FSIP1: variants seen among roughly 807,000 people sequenced by gnomAD.
The protein encoded by FSIP1 is fibrous sheath-interacting protein 1.
A neutral mutation model predicts 60.9 loss-of-function variants in FSIP1; 65 were observed. The ratio of observed to expected loss-of-function variants is 1.07; its 90% CI spans 0.87 to 1.31. The LOEUF is 1.31. FSIP1 is among the 40% of genes most tolerant of loss of function. The probability of loss-of-function intolerance (pLI) is 0.00; values close to 1 mark genes in which losing one functional copy is unlikely to be tolerated. For synonymous variants in FSIP1, 209 were observed against 221.2 expected (o/e 0.94, Z 0.49); for missense variants, 675 against 665.5 (o/e 1.01, Z -0.16).
At chr15:39,669,806 C>T (rs995091570) in intron 10 of FSIP1, among the ~76,000 whole-genome samples, 1 of 152,160 alleles carries the variant, frequency 6.6e-6, no homozygotes, top group Non-Finnish European at 1.5e-5. Flanking sequence ...TCTATAAGTG[C>T]TTGGCATCAA....
chr15:39,670,710 A>G (rs1215006460), intron 10 of FSIP1, among the ~76,000 whole-genome samples: 1 of 152,226 alleles, frequency 6.6e-6, no homozygotes. Context: ...GGAAAGCCCA[A>G]TAGGGCTGCC....
chr15:39,663,833 C>A (rs1893392798), intron 10 of FSIP1, among the ~76,000 whole-genome samples: 1 of 152,168 alleles, frequency 6.6e-6, no homozygotes, highest in Non-Finnish European at 1.5e-5. Flanking sequence ...ATTCAGTGAT[C>A]CTATGCTCTA....
intron 10 of FSIP1, among the ~76,000 whole-genome samples, chr15:39,671,473 T>G (rs1449962766): frequency 6.6e-6 from 1 of 152,204 alleles, no homozygotes; most frequent in Non-Finnish European, 1.5e-5. Context: ...AATGTTTAAT[T>G]TGGTTATATT....
intron 5 of FSIP1, among the ~76,000 whole-genome samples, chr15:39,742,622 A>G (rs574708257): frequency 6.6e-6 from 1 of 152,292 alleles, no homozygotes; most frequent in Non-Finnish European, 1.5e-5. Flanking sequence ...AAATATGGGA[A>G]GTCTTGAGGA....
At chr15:39,651,912 T>C (rs1242995519) in intron 10 of FSIP1, among the ~76,000 whole-genome samples, 1 of 152,206 alleles carries the variant, frequency 6.6e-6, no homozygotes, top group Non-Finnish European at 1.5e-5. Flanking sequence ...AAAGAAAGCT[T>C]AATGCAATTA....
chr15:39,642,842 T>G (rs1335458931), intron 10 of FSIP1, among the ~76,000 whole-genome samples: 1 of 152,240 alleles, frequency 6.6e-6, no homozygotes, highest in African/African-American at 2.4e-5. Flanking sequence ...GTGTATAAAC[T>G]CACTGGTTAT....
chr15:39,769,711 T>TAAAAAA (rs2140718519), intron 3 of FSIP1, among the ~76,000 whole-genome samples: 2 of 152,344 alleles, frequency 1.3e-5, no homozygotes, highest in East Asian at 3.9e-4. Context: ...TCATAGCCAG[T>TAAAAAA]GACACTGGCT....
intron 10 of FSIP1, among the ~76,000 whole-genome samples, chr15:39,632,304 G>C (rs924064074): frequency 6.6e-5 from 10 of 152,018 alleles, no homozygotes; most frequent in African/African-American, 2.4e-4. Flanking sequence ...AGCCTCCCAA[G>C]TAGCTGGGAC....
At position 39,739,656 on chromosome 15, in the gene FSIP1, A is replaced by G. The variant is rs778518233; in HGVS notation, c.780+9T>C. 1.3e-6 allele frequency: 2 copies of G among 1,583,508 alleles called. No individual in the cohort carries two copies. Among genetic ancestry groups the G allele is most frequent in the South Asian group, 2.4e-5 (2 of 83,754 alleles). On this transcript the variant is annotated intron_variant, in intron 7 of 11. Coordinates refer to ENST00000350221, the MANE Select transcript of FSIP1 (RefSeq NM_152597.5). ...CCAAATTCTGGCTTCTGAATTTCTA[A>G]GTACATACCTCAATGTTTCTCTTAA...
At chr15:39,716,351 T>G (rs187158224) in intron 9 of FSIP1, among the ~76,000 whole-genome samples, 13 of 152,288 alleles carry the variant, frequency 8.5e-5, no homozygotes, top group African/African-American at 3.1e-4. Context: ...AAGAAAAAAA[T>G]TATAAGTTGC....
intron 10 of FSIP1, among the ~76,000 whole-genome samples, chr15:39,700,925 G>T (rs1895030743): frequency 6.6e-6 from 1 of 152,166 alleles, no homozygotes; most frequent in African/African-American, 2.4e-5. Flanking sequence ...GCCGAGACAG[G>T]CAGACTGCTT....
intron 10 of FSIP1, among the ~76,000 whole-genome samples, chr15:39,656,760 G>C (rs1893086141): frequency 6.6e-6 from 1 of 152,106 alleles, no homozygotes; most frequent in Non-Finnish European, 1.5e-5. Flanking sequence ...ACATTTTTTG[G>C]AAGGGTTCTG....
chr15:39,724,556 T>C (rs1896116718), intron 9 of FSIP1, among the ~76,000 whole-genome samples: 1 of 152,178 alleles, frequency 6.6e-6, no homozygotes, highest in Non-Finnish European at 1.5e-5. Flanking sequence ...CTGGCCCATA[T>C]TCATACTTTT....
At chr15:39,697,644 G>A (rs569903205) in intron 10 of FSIP1, among the ~76,000 whole-genome samples, 19 of 152,226 alleles carry the variant, frequency 1.2e-4, no homozygotes, top group African/African-American at 4.6e-4. Context: ...GCCTATAACA[G>A]AAAAATAATA....
At chr15:39,715,588 A>T (rs1264757469) in intron 9 of FSIP1, among the ~76,000 whole-genome samples, 1 of 152,188 alleles carries the variant, frequency 6.6e-6, no homozygotes, top group African/African-American at 2.4e-5. Flanking sequence ...AATTTCAAGA[A>T]GTGATTATTT....
rs770437289 is a variant in FSIP1 at position 39,618,047 on chromosome 15, T to A, written c.1387A>T (p.Thr463Ser). 5 of 1,614,102 alleles carry A rather than the reference T, an allele frequency of 3.1e-6. No individual in the cohort carries two copies. The Admixed American group carries it at 8.3e-5, about 27-fold the overall frequency. The stretch of plus-strand genomic sequence containing the variant: ...AGCATATCTGCATCTTCTACCTCAG[T>A]TTTCTGGACCTTTGTTTCTGATTCA... Reference protein sequence around the residue: ...LNESETKVQKTEVEDADMLES... With the variant: ...LNESETKVQKSEVEDADMLES... The change falls in exon 11 of 12, where the codon ACT (threonine) becomes TCT (serine). Residue 463 changes from threonine (T) to serine (S), a missense_variant. By Grantham distance (58) the Thr-to-Ser change is moderately conservative (BLOSUM62 1). Transcript: ENST00000350221.
intron 10 of FSIP1, among the ~76,000 whole-genome samples, chr15:39,657,019 T>C (rs1019808023): frequency 6.6e-6 from 1 of 152,208 alleles, no homozygotes; most frequent in Admixed American, 6.5e-5. Context: ...ATAATGCTTA[T>C]AGCCAGCTAA....
At chr15:39,629,857 C>T (rs1006108912) in intron 10 of FSIP1, among the ~76,000 whole-genome samples, 1 of 152,240 alleles carries the variant, frequency 6.6e-6, no homozygotes, top group African/African-American at 2.4e-5. Flanking sequence ...TCAGGCCACA[C>T]TGGGCAAAGT....
At chr15:39,651,919 A>G (rs1306791107) in intron 10 of FSIP1, among the ~76,000 whole-genome samples, 1 of 152,242 alleles carries the variant, frequency 6.6e-6, no homozygotes. Context: ...GCTTAATGCA[A>G]TTAAATGGGG....
Sources: allele counts gnomAD v4.1 joint callset (sites outside exome capture counted in the v4.1 genomes callset), GRCh38; gene constraint gnomAD v4.1.1; transcripts MANE v1.5; gene names NCBI Gene and HGNC (gene_info 2026-07-23, HGNC 2026-07-21).